NPAS2: variants seen among roughly 807,000 people sequenced by gnomAD.
The protein encoded by NPAS2 is neuronal PAS domain protein 2.
In NPAS2, 23 loss-of-function variants were observed where a neutral mutation model predicts 107.5. That is an observed-to-expected ratio of 0.21 (90% CI 0.15 to 0.30). NPAS2 has a LOEUF of 0.30. NPAS2 is among the 10% of genes least tolerant of loss of function. The pLI is 1.00. For synonymous variants in NPAS2, 403 were observed against 417.5 expected (o/e 0.97, Z 0.42); for missense variants, 756 against 1,043.3 (o/e 0.72, Z 3.79).
intron 7 of NPAS2, among the ~76,000 whole-genome samples, chr2:100,951,832 G>C (rs1413870454): frequency 1.3e-5 from 2 of 151,992 alleles, no homozygotes; most frequent in Non-Finnish European, 2.9e-5. Flanking sequence ...GGCAAACTTT[G>C]TTATATGTGT....
intron 7 of NPAS2, among the ~76,000 whole-genome samples, chr2:100,949,850 G>A (rs1675120563): frequency 6.6e-6 from 1 of 152,186 alleles, no homozygotes; most frequent in Non-Finnish European, 1.5e-5. Flanking sequence ...CTTCCACACT[G>A]TTTCCCTCCC....
chr2:100,882,384 C>T (rs374750178), intron 1 of NPAS2, among the ~76,000 whole-genome samples: 16 of 152,128 alleles, frequency 1.1e-4, no homozygotes, highest in Non-Finnish European at 1.5e-4. Flanking sequence ...CCAAGGTGGG[C>T]GGATCACAAG....
intron 1 of NPAS2, among the ~76,000 whole-genome samples, chr2:100,903,701 C>T (rs1681944685): frequency 1.3e-5 from 2 of 152,176 alleles, no homozygotes; most frequent in Non-Finnish European, 2.9e-5. Context: ...ACCTTTACCT[C>T]GATCACACTT....
rs575735852 is a variant in NPAS2 at position 100,865,914 on chromosome 2, T to G, written c.-22-38819T>G. Reference sequence around the variant, plus strand: ...TTGTTACCAGTCCCAAGTGCTTGCCTAGACCCTGGCCCTGATATCTCTTTA... The same window carrying G: ...TTGTTACCAGTCCCAAGTGCTTGCCGAGACCCTGGCCCTGATATCTCTTTA... On this transcript the variant is annotated intron_variant, in intron 1 of 20. Transcript: ENST00000335681. Among the ~76,000 whole-genome samples, 22 of 152,340 alleles carry G rather than the reference T, an allele frequency of 1.4e-4. No individual in the cohort carries two copies. In the South Asian group the frequency reaches 3.7e-3, roughly 26 times the overall value.
At chr2:100,856,530 AAAG>A (rs1400549187) in intron 1 of NPAS2, among the ~76,000 whole-genome samples, 1 of 152,240 alleles carries the variant, frequency 6.6e-6, no homozygotes, top group Non-Finnish European at 1.5e-5. Context: ...AGGGTAAAGA[AAAG>A]AAAATATTTT....
chr2:100,921,690 T>A (rs1284557260), intron 2 of NPAS2, among the ~76,000 whole-genome samples: 1 of 152,174 alleles, frequency 6.6e-6, no homozygotes, highest in Non-Finnish European at 1.5e-5. Context: ...TACTAGTCAC[T>A]AGGAAAATGC....
At chr2:100,979,498 ATATATTTTTTT>A (rs1236097777) in intron 15 of NPAS2, among the ~76,000 whole-genome samples, 64 of 56,798 alleles carry the variant, frequency 1.1e-3, no homozygotes, top group African/African-American at 5.5e-3. Flanking sequence ...ATATATATAT[ATATATTTTTTT>A]TTTTTTTTTT....
At chr2:100,946,052 C>G (rs1558898468) in intron 5 of NPAS2, among the ~76,000 whole-genome samples, 1 of 152,352 alleles carries the variant, frequency 6.6e-6, no homozygotes, top group East Asian at 1.9e-4. Flanking sequence ...CAGCACATAG[C>G]TGTACAGGAA....
chr2:100,861,803 T>A (rs529949633), intron 1 of NPAS2, among the ~76,000 whole-genome samples: 2 of 152,322 alleles, frequency 1.3e-5, no homozygotes, highest in East Asian at 3.9e-4. Context: ...ATGAAAGCCT[T>A]TGGGCATGTT....
intron 4 of NPAS2, 51 bp downstream of exon 4, chr2:100,933,052 T>C (rs1458957754): frequency 1.5e-6 from 2 of 1,370,688 alleles, no homozygotes; most frequent in African/African-American, 1.4e-5. Flanking sequence ...AAAATGTAGC[T>C]ACTTGTTGCA....
intron 15 of NPAS2, among the ~76,000 whole-genome samples, chr2:100,979,524 T>G (rs1446023734): frequency 4.0e-5 from 5 of 123,614 alleles, no homozygotes; most frequent in Admixed American, 2.4e-4. Flanking sequence ...TTTTTTTTTT[T>G]TTTTCTGAGA....
At chr2:100,917,569 A>T (rs759797508) in intron 2 of NPAS2, among the ~76,000 whole-genome samples, 1 of 152,168 alleles carries the variant, frequency 6.6e-6, no homozygotes, top group African/African-American at 2.4e-5. Flanking sequence ...AAAATTGGTA[A>T]GTCTATCAAG....
At chr2:100,889,475 A>G (rs1044736402) in intron 1 of NPAS2, among the ~76,000 whole-genome samples, 17 of 152,152 alleles carry the variant, frequency 1.1e-4, no homozygotes, top group African/African-American at 4.1e-4. Flanking sequence ...TTCCCTACTG[A>G]CCTATGATCC....
intron 1 of NPAS2, among the ~76,000 whole-genome samples, chr2:100,896,059 G>T (rs1001020911): frequency 1.3e-5 from 2 of 152,196 alleles, no homozygotes; most frequent in Non-Finnish European, 2.9e-5. Flanking sequence ...GGACAGTTAG[G>T]TGGGGCAGGT....
chr2:100,876,655 G>A (rs1288711668), intron 1 of NPAS2, among the ~76,000 whole-genome samples: 1 of 152,180 alleles, frequency 6.6e-6, no homozygotes, highest in African/African-American at 2.4e-5. Flanking sequence ...GGTGGCAAGG[G>A]GAGTCTTTCA....
intron 12 of NPAS2, among the ~76,000 whole-genome samples, chr2:100,972,085 T>A (rs971239767): frequency 5.9e-5 from 9 of 152,002 alleles, no homozygotes; most frequent in Admixed American, 1.3e-4. Flanking sequence ...GTAGCTGGGA[T>A]TATAGGCGCC....
intron 1 of NPAS2, among the ~76,000 whole-genome samples, chr2:100,861,663 A>G (rs1466089629): frequency 6.6e-6 from 1 of 152,164 alleles, no homozygotes; most frequent in Non-Finnish European, 1.5e-5. Context: ...ATTTGACCAC[A>G]CACCTGGGGG....
intron 1 of NPAS2, among the ~76,000 whole-genome samples, chr2:100,838,303 G>A (rs1677188484): frequency 6.6e-6 from 1 of 151,780 alleles, no homozygotes; most frequent in African/African-American, 2.4e-5. Context: ...TTGAGACAGA[G>A]TTTTGCTCTT....
At chr2:100,852,727 T>G (rs184784142) in intron 1 of NPAS2, among the ~76,000 whole-genome samples, 57 of 152,300 alleles carry the variant, frequency 3.7e-4, no homozygotes, top group Admixed American at 1.4e-3. Context: ...CACTGATCCC[T>G]GCCCTGGTGT....
Sources: allele counts gnomAD v4.1 joint callset (sites outside exome capture counted in the v4.1 genomes callset), GRCh38; gene constraint gnomAD v4.1.1; transcripts MANE v1.5; gene names NCBI Gene and HGNC (gene_info 2026-07-23, HGNC 2026-07-21).